Variants in SLC35D4 observed in about 807,000 individuals in gnomAD.
SLC35D4 encodes solute carrier family 35 member D4.
At chr18:23,400,108 A>T in the SLC35D4 span, among the ~76,000 whole-genome samples, 29 of 152,340 alleles carry the variant, frequency 1.9e-4, no homozygotes, top group African/African-American at 6.5e-4. Flanking sequence ...AGAATCCCAG[A>T]ACTTCAGTTG....
the SLC35D4 span, chr18:23,298,174 G>T: frequency 7.7e-7 from 1 of 1,291,078 alleles, no homozygotes; most frequent in Non-Finnish European, 1.1e-6. Context: ...CTGCAACTGA[G>T]ACTCATCACC....
the SLC35D4 span, among the ~76,000 whole-genome samples, chr18:23,421,169 G>A: frequency 3.3e-5 from 5 of 152,064 alleles, no homozygotes; most frequent in Admixed American, 3.3e-4. Context: ...GCTTGAACCT[G>A]GGAAGCAGAG....
the SLC35D4 span, among the ~76,000 whole-genome samples, chr18:23,317,746 C>CTTTTTT: frequency 6.9e-6 from 1 of 145,886 alleles, no homozygotes; most frequent in African/African-American, 2.5e-5. Flanking sequence ...TGTTTCATTT[C>CTTTTTT]TTTTTTTTTT....
chr18:23,279,361 C>T, the SLC35D4 span, among the ~76,000 whole-genome samples: 13 of 152,342 alleles, frequency 8.5e-5, 1 homozygote, highest in Admixed American at 7.2e-4. Context: ...ACAGCATGGG[C>T]TGCAAGGGAT....
chr18:23,261,205 T>C, the SLC35D4 span, among the ~76,000 whole-genome samples: 1 of 152,236 alleles, frequency 6.6e-6, no homozygotes, highest in East Asian at 1.9e-4. Context: ...GGCTTACACC[T>C]GTAGTCCCAG....
At chr18:23,299,030 C>T in the SLC35D4 span, among the ~76,000 whole-genome samples, 13 of 152,130 alleles carry the variant, frequency 8.5e-5, no homozygotes, top group African/African-American at 2.9e-4. Flanking sequence ...GGTGGGTGAC[C>T]CTGACATACA....
chr18:23,309,674 AC>A, the SLC35D4 span: 1 of 1,613,764 alleles, frequency 6.2e-7, no homozygotes, highest in South Asian at 1.1e-5. Context: ...TATGCAAAAG[AC>A]TTACCATCCC....
chr18:23,430,137 G>A, the SLC35D4 span, among the ~76,000 whole-genome samples: 4 of 152,162 alleles, frequency 2.6e-5, no homozygotes, highest in African/African-American at 9.7e-5. Flanking sequence ...TTTAGAGTTT[G>A]AGATCTTACA....
At chr18:23,312,603 A>C in the SLC35D4 span, among the ~76,000 whole-genome samples, 1 of 152,114 alleles carries the variant, frequency 6.6e-6, no homozygotes, top group Non-Finnish European at 1.5e-5. Context: ...GCCCATTTTT[A>C]ATCTATTCGG....
the SLC35D4 span, among the ~76,000 whole-genome samples, chr18:23,397,709 C>T: frequency 1.5e-4 from 23 of 152,246 alleles, no homozygotes; most frequent in Non-Finnish European, 3.2e-4. Context: ...AAAATCCATA[C>T]GCATTGGCCC....
At chr18:23,328,529 A>T in the SLC35D4 span, among the ~76,000 whole-genome samples, 8 of 152,224 alleles carry the variant, frequency 5.3e-5, no homozygotes, top group African/African-American at 1.9e-4. Flanking sequence ...GGAGAACTAC[A>T]TACCACTGCT....
the SLC35D4 span, among the ~76,000 whole-genome samples, chr18:23,327,421 C>A: frequency 1.3e-5 from 2 of 152,120 alleles, no homozygotes; most frequent in Non-Finnish European, 2.9e-5. Context: ...ACTATAAACA[C>A]CTCTACGCAA....
chr18:23,358,235 T>G, the SLC35D4 span, among the ~76,000 whole-genome samples: 5 of 152,254 alleles, frequency 3.3e-5, no homozygotes, highest in East Asian at 9.6e-4. Flanking sequence ...AATGTGATAA[T>G]GAGGAACGGC....
At chr18:23,330,310 ATGTC>A in the SLC35D4 span, among the ~76,000 whole-genome samples, 1 of 152,152 alleles carries the variant, frequency 6.6e-6, no homozygotes, top group Non-Finnish European at 1.5e-5. Context: ...ATACTCTAAA[ATGTC>A]TATTATGGTA....
At chr18:23,388,388 C>T in the SLC35D4 span, among the ~76,000 whole-genome samples, 2 of 152,166 alleles carry the variant, frequency 1.3e-5, no homozygotes, top group Non-Finnish European at 2.9e-5. Context: ...TGCTATTACC[C>T]TGATTTTATA....
At chr18:23,256,516 T>C in the SLC35D4 span, among the ~76,000 whole-genome samples, 10 of 152,224 alleles carry the variant, frequency 6.6e-5, no homozygotes, top group Non-Finnish European at 1.0e-4. Context: ...CATCTTGCTT[T>C]GTTGCCCAGG....
chr18:23,326,270 GAGTCAAGACCCATC>G, the SLC35D4 span, among the ~76,000 whole-genome samples: 6 of 152,156 alleles, frequency 3.9e-5, no homozygotes. Context: ...ATTGGATAAA[GAGTCAAGACCCATC>G]AGTGTGCTGT....
the SLC35D4 span, chr18:23,309,679 C>G: frequency 2.5e-6 from 4 of 1,613,754 alleles, no homozygotes; most frequent in Non-Finnish European, 3.4e-6. Flanking sequence ...AAAAGACTTA[C>G]CATCCCGTGG....
At chr18:23,283,696 C>G in the SLC35D4 span, among the ~76,000 whole-genome samples, 1 of 151,612 alleles carries the variant, frequency 6.6e-6, no homozygotes, top group Non-Finnish European at 1.5e-5. Flanking sequence ...GTAATCCCAG[C>G]TACTCAGGAG....
Sources: allele counts gnomAD v4.1 joint callset (sites outside exome capture counted in the v4.1 genomes callset), GRCh38; gene constraint gnomAD v4.1.1; transcripts MANE v1.5; gene names NCBI Gene and HGNC (gene_info 2026-07-23, HGNC 2026-07-21).